Variants in TMEM44 observed in about 807,000 individuals in gnomAD.
TMEM44 encodes transmembrane protein 44.
In TMEM44, 43 loss-of-function variants were observed where a neutral mutation model predicts 47.8. The observed-to-expected ratio is 0.90, with a 90% confidence interval of 0.70 to 1.16. TMEM44 has a LOEUF of 1.16. Among genes scored for constraint, TMEM44 ranks in the 50% most tolerant of loss-of-function variants. The pLI, the probability that TMEM44 is intolerant of heterozygous loss-of-function variation, is 0.00. For missense variants in TMEM44, 568 were observed against 555.2 expected (o/e 1.02, Z -0.23); for synonymous variants, 277 against 238.8 (o/e 1.16, Z -1.48).
At chr3:194,589,923 T>C (rs577217706) in intron 9 of TMEM44, 1 of 151,618 alleles carries the variant, frequency 6.6e-6, no homozygotes, top group East Asian at 1.9e-4. Flanking sequence ...TTTCCAAGCG[T>C]CTATGATGAT....
chr3:194,617,499 C>A, intron 5 of TMEM44: 1 of 610,620 alleles, frequency 1.6e-6, no homozygotes, highest in Non-Finnish European at 2.9e-6. Flanking sequence ...CTCCCCTTAC[C>A]AACTCCACCC....
intron 8 of TMEM44, among the ~76,000 whole-genome samples, chr3:194,607,068 T>C (rs1714862314): frequency 6.6e-6 from 1 of 152,144 alleles, no homozygotes; most frequent in Non-Finnish European, 1.5e-5. Context: ...GTGTCTCATG[T>C]TGAAATGTGA....
chr3:194,617,706 TGG>T (rs1231442721), intron 5 of TMEM44: 3 of 704,068 alleles, frequency 4.3e-6, no homozygotes, highest in Admixed American at 2.0e-5. Context: ...TGAGGGAGAC[TGG>T]GATGGTTTGG....
chr3:194,588,970 C>A (rs567153998), intron 9 of TMEM44: 1 of 272,694 alleles, frequency 3.7e-6, no homozygotes, highest in South Asian at 5.3e-5. Context: ...CCATGCCTAA[C>A]TCATTCCTGG....
intron 4 of TMEM44, 58 bp downstream of exon 4, chr3:194,623,471 T>G (rs192594292): frequency 3.1e-5 from 48 of 1,529,270 alleles, no homozygotes; most frequent in Middle Eastern, 3.4e-4. Context: ...CATCCCACCC[T>G]GGGCATTTGG....
intron 8 of TMEM44, among the ~76,000 whole-genome samples, chr3:194,606,914 C>A (rs567513592): frequency 7.2e-6 from 1 of 137,954 alleles, no homozygotes; most frequent in Non-Finnish European, 1.5e-5. Context: ...GATTGTGCCA[C>A]TGCACTCCAG....
chr3:194,605,672 C>G (rs1714699271), intron 8 of TMEM44, among the ~76,000 whole-genome samples: 1 of 152,218 alleles, frequency 6.6e-6, no homozygotes, highest in Non-Finnish European at 1.5e-5. Flanking sequence ...CCTCCCACAA[C>G]ACGTGGGAAT....
At chr3:194,607,691 G>A (rs569369757) in intron 8 of TMEM44, among the ~76,000 whole-genome samples, 6 of 152,304 alleles carry the variant, frequency 3.9e-5, no homozygotes, top group African/African-American at 1.4e-4. Flanking sequence ...GTTAATGTGT[G>A]TAAAGCACTT....
At chr3:194,627,662 C>A (rs1717320598) in intron 2 of TMEM44, among the ~76,000 whole-genome samples, 1 of 152,132 alleles carries the variant, frequency 6.6e-6, no homozygotes, top group African/African-American at 2.4e-5. Flanking sequence ...AGCTGACACT[C>A]TAATGGGAGT....
At chr3:194,625,026 CCT>C (rs1161939013) in intron 3 of TMEM44, among the ~76,000 whole-genome samples, 15 of 152,038 alleles carry the variant, frequency 9.9e-5, no homozygotes, top group South Asian at 2.1e-4. Context: ...CCCCTCATCC[CCT>C]CTTTTTGAAC....
chr3:194,600,618 G>C (rs377007752), intron 9 of TMEM44, among the ~76,000 whole-genome samples: 5 of 152,224 alleles, frequency 3.3e-5, no homozygotes, highest in African/African-American at 1.2e-4. Flanking sequence ...AGGCATGGTG[G>C]TGCATGCCTA....
At chr3:194,601,246 A>T (rs1714076399) in intron 9 of TMEM44, among the ~76,000 whole-genome samples, 1 of 151,012 alleles carries the variant, frequency 6.6e-6, no homozygotes, top group Non-Finnish European at 1.5e-5. Context: ...CCGGGTTCAA[A>T]CGATTCTCCT....
In TMEM44 at chr3:194,623,634, G is replaced by A. The variant is rs779727546; in HGVS notation, c.420C>T (p.Ala140=). The A allele has an allele frequency of 3.7e-6, 6 of 1,612,928 alleles. 1 individual carries two copies. The highest frequency in any genetic ancestry group is 3.3e-5 in the South Asian group (3 of 91,022). The part of the protein sequence containing the change: ...RQLRASVFAL[A]LPLSLGPCWA... Reference sequence around the variant, plus strand: ...AGCACGGGCCCAGGCTCAGCGGCAGGGCCAGGGCAAACACACTGGCCCTGA... The same window carrying A: ...AGCACGGGCCCAGGCTCAGCGGCAGAGCCAGGGCAAACACACTGGCCCTGA... Residue 140 remains alanine, a synonymous_variant, in exon 4 of 10, where the codon GCC becomes GCT. Coordinates refer to ENST00000347147, the MANE Select transcript of TMEM44 (RefSeq NM_001011655.3).
rs181389671 is a variant in TMEM44 at position 194,631,201 on chromosome 3, A to G, written c.137+1878T>C. Among the ~76,000 whole-genome samples, 14 of 150,238 alleles carry G rather than the reference A, an allele frequency of 9.3e-5. No homozygotes were observed. In the East Asian group the frequency reaches 2.8e-3, roughly 30 times the overall value. On this transcript the variant is annotated intron_variant, in intron 1 of 9. Coordinates refer to ENST00000347147, the MANE Select transcript of TMEM44 (RefSeq NM_001011655.3). ...TCAGCGTCACTGATAGGGCCTCTGAAATATGTTGTCGTACCTGCCTTCCGA... is the reference window on the plus strand; with the variant it reads ...TCAGCGTCACTGATAGGGCCTCTGAGATATGTTGTCGTACCTGCCTTCCGA...
chr3:194,589,010 A>AT (rs1560150638), intron 9 of TMEM44: 1 of 245,128 alleles, frequency 4.1e-6, no homozygotes, highest in Admixed American at 5.1e-5. Flanking sequence ...ATCCTTTTTT[A>AT]TTTTTTTAAG....
At chr3:194,604,262 C>T (rs1283241041) in intron 9 of TMEM44, 25 bp downstream of exon 9, 7 of 1,568,480 alleles carry the variant, frequency 4.5e-6, no homozygotes, top group South Asian at 2.3e-5. Context: ...CCCACGCACC[C>T]GCCCAGCAGG....
Position 194,617,214 on chromosome 3 carries a change from A to G in TMEM44, c.668T>C (p.Leu223Pro). The G allele has an allele frequency of 1.3e-6, 2 of 1,507,464 alleles. No homozygotes were observed. Among genetic ancestry groups the G allele is most frequent in the East Asian group, 2.6e-5 (1 of 38,068 alleles). 93.4% of individuals were successfully genotyped at this position (1,507,464 alleles called of 1,614,324 possible). The change falls in exon 6 of 10, where the codon CTG (leucine) becomes CCG (proline). Residue 223 changes from leucine to proline, a missense_variant. By Grantham distance (98) the Leu-to-Pro change is moderately conservative. Coordinates refer to ENST00000347147, the MANE Select transcript of TMEM44 (RefSeq NM_001011655.3). ...GGCCGAGGCATAGAGGAGGCCAGCC[A>G]GGGCCGACAGGAGCCGGGTCCACAG... Reference protein sequence around the residue: ...IHLWTRLLSALAGLLYASAIV... With the variant: ...IHLWTRLLSAPAGLLYASAIV...
chr3:194,625,748 G>A, intron 3 of TMEM44, 149 bp downstream of exon 3: 1 of 643,730 alleles, frequency 1.6e-6, no homozygotes, highest in Non-Finnish European at 2.8e-6. Context: ...CCAAAGTGCT[G>A]GGATTCCAGG....
At chr3:194,599,942 T>G (rs1713886883) in intron 9 of TMEM44, among the ~76,000 whole-genome samples, 1 of 152,042 alleles carries the variant, frequency 6.6e-6, no homozygotes, top group African/African-American at 2.4e-5. Context: ...GTATTTTTAG[T>G]TGAGATGGGG....
Sources: gnomAD v4.1 joint callset for allele counts (sites outside exome capture counted in the v4.1 genomes callset) on GRCh38, gnomAD v4.1.1 for gene constraint, MANE v1.5 for transcripts, NCBI Gene and HGNC (gene_info 2026-07-23, HGNC 2026-07-21) for gene names.